LRRTM3: variants seen among roughly 807,000 people sequenced by gnomAD.
LRRTM3 encodes the protein leucine-rich repeat transmembrane neuronal protein 3.
In LRRTM3, 24 loss-of-function variants were observed where a neutral mutation model predicts 44.7. The observed-to-expected ratio is 0.54, with a 90% CI of 0.39 to 0.76. The LOEUF is 0.76. Ranked by LOEUF, LRRTM3 falls within the 30% of genes least tolerant of loss-of-function variation. LRRTM3 has a pLI of 0.00. For synonymous variants in LRRTM3, 277 were observed against 278.7 expected (o/e 0.99, Z 0.06); for missense variants, 587 against 702.2 (o/e 0.84, Z 1.85).
In LRRTM3 at chr10:67,041,987, T is replaced by C. The variant is rs79426922; in HGVS notation, c.1537-55600T>C. ...ACATTGGGCATATATAGTAGTTTGA[T>C]AAAATTGAAGTAACCTTAAAGTACG... On this transcript the variant is annotated intron_variant, in intron 2 of 2. Transcript: ENST00000361320. Among the ~76,000 whole-genome samples the C allele has an allele frequency of 1.2e-4, 19 of 152,132 alleles. No individual in the cohort carries two copies. The East Asian group carries it at 3.5e-3, about 28-fold the overall frequency.
chr10:67,044,557 C>A (rs977346349), intron 2 of LRRTM3, among the ~76,000 whole-genome samples: 1 of 152,060 alleles, frequency 6.6e-6, no homozygotes, highest in Non-Finnish European at 1.5e-5. Context: ...TGTGAGTGCT[C>A]ATTATAAGAA....
intron 2 of LRRTM3, among the ~76,000 whole-genome samples, chr10:66,943,658 C>CT (rs1319922446): frequency 1.3e-5 from 2 of 152,028 alleles, no homozygotes; most frequent in African/African-American, 4.8e-5. Flanking sequence ...AAACATGCTA[C>CT]TTAAACATAG....
intron 2 of LRRTM3, among the ~76,000 whole-genome samples, chr10:66,978,063 TATATACACACAC>T (rs1284089772): frequency 1.0e-5 from 1 of 97,382 alleles, no homozygotes. Flanking sequence ...CATATATATA[TATATACACACAC>T]ACACACACAC....
In LRRTM3 at chr10:66,950,082, T is replaced by C. The variant is rs189497455; in HGVS notation, c.1536+21630T>C. ...AACAAAACCATGATTTACCACTCTT[T>C]GAACGTCTCCTTCAGGGTCTATCTC... On this transcript the variant is annotated intron_variant, in intron 2 of 2. Transcript: ENST00000361320. Among the ~76,000 whole-genome samples, 1,185 of 152,320 alleles carry C rather than the reference T, an allele frequency of 7.8e-3. 18 individuals are homozygous for C. The highest frequency in any genetic ancestry group is 0.027 in the African/African-American group (1,116 of 41,576).
At chr10:67,021,797 G>C (rs1853031151) in intron 2 of LRRTM3, among the ~76,000 whole-genome samples, 1 of 152,120 alleles carries the variant, frequency 6.6e-6, no homozygotes, top group African/African-American at 2.4e-5. Flanking sequence ...GCTGAATTAG[G>C]ACAATGGCAA....
At position 67,100,328 on chromosome 10, in the gene LRRTM3, A is replaced by G. The variant is rs1476719599; in HGVS notation, c.*2532A>G. 6.6e-6 allele frequency among the ~76,000 whole-genome samples: 1 copy of G among 151,742 alleles called. No homozygotes were observed. The highest frequency in any genetic ancestry group is 6.6e-5 in the Admixed American group (1 of 15,188). On this transcript the variant is annotated 3_prime_UTR_variant, in exon 3 of 3. Transcript: ENST00000361320. ...TACGCCAGGAATTTTGAGACTTCTC[A>G]TCTTTAAATTCAACCAAAAGGGTCT...
intron 2 of LRRTM3, among the ~76,000 whole-genome samples, chr10:67,066,324 C>G (rs1470353464): frequency 6.6e-6 from 1 of 151,364 alleles, no homozygotes; most frequent in African/African-American, 2.4e-5. Context: ...TCCCAAGTAA[C>G]TGGGACTACA....
intron 2 of LRRTM3, among the ~76,000 whole-genome samples, chr10:67,056,960 G>A (rs544689776): frequency 6.6e-6 from 1 of 152,254 alleles, no homozygotes; most frequent in South Asian, 2.1e-4. Context: ...AACTGACTGA[G>A]ACTGATTATC....
intron 2 of LRRTM3, among the ~76,000 whole-genome samples, chr10:67,066,307 C>A (rs1856079711): frequency 6.6e-6 from 1 of 151,280 alleles, no homozygotes; most frequent in East Asian, 1.9e-4. Context: ...ATTCTCCTGC[C>A]TCAGCCTCCC....
intron 2 of LRRTM3, among the ~76,000 whole-genome samples, chr10:66,993,021 A>G (rs2132943025): frequency 6.6e-6 from 1 of 152,254 alleles, no homozygotes; most frequent in South Asian, 2.1e-4. Context: ...TTTCTAAAAA[A>G]TCATTATTTT....
intron 2 of LRRTM3, among the ~76,000 whole-genome samples, chr10:66,995,341 T>G (rs1297166658): frequency 6.6e-6 from 1 of 152,108 alleles, no homozygotes; most frequent in East Asian, 1.9e-4. Flanking sequence ...GGATCTCATC[T>G]TTTTCCTTTT....
chr10:67,093,832 T>C (rs1481086317), intron 2 of LRRTM3, among the ~76,000 whole-genome samples: 1 of 152,028 alleles, frequency 6.6e-6, no homozygotes, highest in Non-Finnish European at 1.5e-5. Flanking sequence ...ACACTCCTTT[T>C]TCAAATTATG....
chr10:66,969,730 T>C (rs950841060), intron 2 of LRRTM3, among the ~76,000 whole-genome samples: 5 of 152,142 alleles, frequency 3.3e-5, no homozygotes, highest in Non-Finnish European at 5.9e-5. Context: ...GCTGGTGAGA[T>C]TGAATTTTTT....
chr10:67,024,268 C>T (rs982955498), intron 2 of LRRTM3, among the ~76,000 whole-genome samples: 2 of 152,224 alleles, frequency 1.3e-5, no homozygotes, highest in African/African-American at 4.8e-5. Flanking sequence ...TCAGTCATCT[C>T]ATTGTGTTCT....
In LRRTM3 at chr10:67,099,834, C is replaced by T. The variant is rs1464659365; in HGVS notation, c.*2038C>T. 1 of 151,492 alleles carries T rather than the reference C, an allele frequency of 6.6e-6. No homozygotes were observed. Among genetic ancestry groups the T allele is most frequent in the African/African-American group, 2.4e-5 (1 of 41,330 alleles). The allele number at this position is 151,492 out of a possible 1,614,324, so 9.4% of individuals were successfully genotyped here. A position where few individuals can be genotyped will look rare whatever the true frequency, so the allele number is the denominator to read the frequency against. ...CTTTATGTTTTCCATTTTCTAATTTCCTTGCAATGTATTATTCTTATTCTT... is the reference window on the plus strand; with the variant it reads ...CTTTATGTTTTCCATTTTCTAATTTTCTTGCAATGTATTATTCTTATTCTT... On this transcript the variant is annotated 3_prime_UTR_variant, in exon 3 of 3. Transcript: ENST00000361320.
intron 2 of LRRTM3, among the ~76,000 whole-genome samples, chr10:67,016,108 T>C (rs1452372421): frequency 6.6e-6 from 1 of 152,194 alleles, no homozygotes; most frequent in East Asian, 1.9e-4. Flanking sequence ...ACTTGTGTCA[T>C]TTATTTGCTT....
chr10:67,015,338 T>A lies in LRRTM3; in HGVS notation c.1537-82249T>A, dbSNP rs1044894392. 3 of 152,192 alleles carry A rather than the reference T, an allele frequency of 2.0e-5. No homozygotes were observed. The East Asian group carries it at 5.8e-4, about 29-fold the overall frequency. The allele number at this position is 152,192 out of a possible 1,614,324, so 9.4% of individuals were successfully genotyped here. ...TTCTTGAGCTACTGATGTTGACTCA[T>A]CATGTATGTGCATGCACATGAGTTT... On this transcript the variant is annotated intron_variant, in intron 2 of 2. Transcript: ENST00000361320.
chr10:67,044,948 A>G (rs1589654095), intron 2 of LRRTM3, among the ~76,000 whole-genome samples: 1 of 152,210 alleles, frequency 6.6e-6, no homozygotes, highest in African/African-American at 2.4e-5. Flanking sequence ...TGTGAAAAGT[A>G]AATAAGATTT....
intron 2 of LRRTM3, among the ~76,000 whole-genome samples, chr10:66,964,883 AC>A (rs1440813157): frequency 6.6e-6 from 1 of 152,104 alleles, no homozygotes; most frequent in Non-Finnish European, 1.5e-5. Context: ...TCAAAATTAA[AC>A]CCTGACTAAT....
Sources: gnomAD v4.1 joint callset for allele counts (sites outside exome capture counted in the v4.1 genomes callset) on GRCh38, gnomAD v4.1.1 for gene constraint, MANE v1.5 for transcripts, NCBI Gene and HGNC (gene_info 2026-07-23, HGNC 2026-07-21) for gene names.